The following MACROD2 variants were observed in gnomAD, a reference collection of about 807,000 sequenced individuals.
MACROD2 encodes the protein mono-ADP ribosylhydrolase 2.
A neutral mutation model predicts 70.4 loss-of-function variants in MACROD2; 36 were observed. The observed-to-expected ratio is 0.51, with a 90% CI of 0.39 to 0.68. The LOEUF is 0.68. Ranked by LOEUF, MACROD2 falls within the 30% of genes least tolerant of loss-of-function variation. The probability of loss-of-function intolerance (pLI) is 0.00; values close to 1 mark genes in which losing one functional copy is unlikely to be tolerated. For synonymous variants in MACROD2, 172 were observed against 178.8 expected (o/e 0.96, Z 0.30); for missense variants, 496 against 538.4 (o/e 0.92, Z 0.78).
At chr20:15,206,833 T>C (rs1475603642) in intron 5 of MACROD2, among the ~76,000 whole-genome samples, 1 of 147,670 alleles carries the variant, frequency 6.8e-6, no homozygotes, top group Non-Finnish European at 1.5e-5. Flanking sequence ...ACCTCCCGGG[T>C]TCACGCCATT....
rs1290808954 is a variant in MACROD2 at position 14,326,379 on chromosome 20, A to G, written c.272-167100A>G. 1 of 1,613,946 alleles carries G rather than the reference A, an allele frequency of 6.2e-7. No homozygotes were observed. The highest frequency in any genetic ancestry group is 1.1e-5 in the South Asian group (1 of 91,088). ...CTGGAGCTGGCCACTGTCCTTGGGC[A>G]GGATACACTGTGTTGGGTATTGCAG... On this transcript the variant is annotated intron_variant, in intron 3 of 17. Coordinates refer to ENST00000684519, the MANE Select transcript of MACROD2 (RefSeq NM_001351661.2). This position sits in a 1 kb window ranked among gnomAD's most constrained non-coding sequence, Gnocchi z 5.5.
intron 8 of MACROD2, among the ~76,000 whole-genome samples, chr20:15,857,608 T>TG (rs2064371691): frequency 6.6e-6 from 1 of 152,192 alleles, no homozygotes; most frequent in Non-Finnish European, 1.5e-5. Context: ...CCCACCTTCC[T>TG]GGCACAAAGT....
At chr20:14,004,561 A>G (rs2052784471) in intron 2 of MACROD2, among the ~76,000 whole-genome samples, 1 of 152,190 alleles carries the variant, frequency 6.6e-6, no homozygotes. Context: ...ATTTATATAC[A>G]ATACACATTT....
At chr20:14,336,953 C>T (rs1202757637) in intron 3 of MACROD2, among the ~76,000 whole-genome samples, 1 of 152,164 alleles carries the variant, frequency 6.6e-6, no homozygotes, top group African/African-American at 2.4e-5. Flanking sequence ...AAGATGTATG[C>T]TTTTCATGTA....
chr20:15,883,048 A>C (rs2064777763), intron 9 of MACROD2, among the ~76,000 whole-genome samples: 1 of 152,012 alleles, frequency 6.6e-6, no homozygotes, highest in Admixed American at 6.6e-5. Context: ...AAAACAAACA[A>C]ACAAAACAAA....
chr20:15,469,562 G>A (rs569518567), intron 7 of MACROD2, among the ~76,000 whole-genome samples: 1 of 152,258 alleles, frequency 6.6e-6, no homozygotes, highest in Middle Eastern at 3.4e-3. Context: ...GGTACAAAAG[G>A]GGCTGGAAGC....
At chr20:15,287,762 G>A (rs1361240207) in intron 6 of MACROD2, among the ~76,000 whole-genome samples, 1 of 152,188 alleles carries the variant, frequency 6.6e-6, no homozygotes, top group East Asian at 1.9e-4. Context: ...AACAATTAGA[G>A]TATGCACTGT....
intron 5 of MACROD2, among the ~76,000 whole-genome samples, chr20:15,004,265 T>C (rs945006163): frequency 2.0e-5 from 3 of 152,192 alleles, no homozygotes; most frequent in Non-Finnish European, 2.9e-5. Flanking sequence ...GGGAAATAAT[T>C]AGCTTCTCTT....
chr20:15,743,485 A>AT (rs2051135437), intron 8 of MACROD2, among the ~76,000 whole-genome samples: 1 of 152,094 alleles, frequency 6.6e-6, no homozygotes, highest in Admixed American at 6.6e-5. Flanking sequence ...CAAGACCTCA[A>AT]TTTTTCATTT....
intron 8 of MACROD2, among the ~76,000 whole-genome samples, chr20:15,828,812 AG>A (rs1166002737): frequency 4.6e-5 from 7 of 152,362 alleles, no homozygotes; most frequent in African/African-American, 1.7e-4. Context: ...AACATTTAGT[AG>A]GCACTTAAAT....
chr20:15,436,898 A>G (rs555007128), intron 7 of MACROD2, among the ~76,000 whole-genome samples: 3 of 152,254 alleles, frequency 2.0e-5, no homozygotes, highest in Non-Finnish European at 4.4e-5. Context: ...TTCTTGTTCC[A>G]TATTCCAAAT....
chr20:15,819,649 T>C (rs528485727), intron 8 of MACROD2, among the ~76,000 whole-genome samples: 3 of 151,870 alleles, frequency 2.0e-5, no homozygotes, highest in Admixed American at 6.6e-5. Flanking sequence ...ACATTTATGT[T>C]AAGCAAAATA....
intron 8 of MACROD2, among the ~76,000 whole-genome samples, chr20:15,507,474 CCTTTT>C (rs1366063104): frequency 1.2e-4 from 17 of 146,624 alleles, no homozygotes; most frequent in African/African-American, 4.3e-4. Context: ...TCTTTTCTTT[CCTTTT>C]CTTTTTTCTT....
intron 4 of MACROD2, among the ~76,000 whole-genome samples, chr20:14,656,506 T>C (rs188972965): frequency 9.2e-5 from 14 of 152,232 alleles, no homozygotes; most frequent in African/African-American, 3.4e-4. Context: ...AACATTTTCC[T>C]CTCTCTATGA....
chr20:14,019,119 C>G (rs946159116), intron 2 of MACROD2, among the ~76,000 whole-genome samples: 8 of 152,082 alleles, frequency 5.3e-5, no homozygotes, highest in Admixed American at 3.3e-4. Context: ...CTGTAACTGA[C>G]CAGAGGGTTC....
intron 4 of MACROD2, among the ~76,000 whole-genome samples, chr20:14,529,472 T>C (rs2085276239): frequency 6.6e-6 from 1 of 152,178 alleles, no homozygotes. Flanking sequence ...GATAGGCTCC[T>C]CTTCATGTCA....
At chr20:14,826,304 A>G (rs1460778331) in intron 5 of MACROD2, among the ~76,000 whole-genome samples, 1 of 152,034 alleles carries the variant, frequency 6.6e-6, no homozygotes, top group Non-Finnish European at 1.5e-5. Flanking sequence ...TACATTCCCT[A>G]ATAAATACAT....
chr20:14,395,804 A>C (rs1476843697), intron 3 of MACROD2, among the ~76,000 whole-genome samples: 7 of 152,314 alleles, frequency 4.6e-5, no homozygotes, highest in African/African-American at 1.4e-4. Flanking sequence ...TCAACTGTAC[A>C]TACTTTCTAA....
chr20:14,574,375 C>CCATTCATTCATT (rs3044717), intron 4 of MACROD2, among the ~76,000 whole-genome samples: 1 of 152,026 alleles, frequency 6.6e-6, no homozygotes, highest in Non-Finnish European at 1.5e-5. Flanking sequence ...ATTTACCCTG[C>CCATTCATTCATT]CATTCATTCA....
Sources: gnomAD v4.1 joint callset for allele counts (sites outside exome capture counted in the v4.1 genomes callset) on GRCh38, gnomAD v4.1.1 for gene constraint, Gnocchi (gnomAD v3.1) non-coding constraint, MANE v1.5 for transcripts, NCBI Gene and HGNC (gene_info 2026-07-23, HGNC 2026-07-21) for gene names.